AKR1B15: variants seen among roughly 807,000 people sequenced by gnomAD.
The protein encoded by AKR1B15 is aldo-keto reductase family 1 member B15.
AKR1B15 carries 49 observed loss-of-function variants against 38.5 expected under a neutral mutation model. The ratio of observed to expected loss-of-function variants is 1.27; its 90% CI spans 1.01 to 1.62. AKR1B15 has a LOEUF of 1.62. AKR1B15 is among the 40% of genes most tolerant of loss of function. The pLI is 0.00. For missense variants in AKR1B15, 411 were observed against 381.6 expected (o/e 1.08, Z -0.64); for synonymous variants, 137 against 135.5 (o/e 1.01, Z -0.08).
At chr7:134,574,663 A>T (rs1290334579) in intron 6 of AKR1B15, among the ~76,000 whole-genome samples, 1 of 152,242 alleles carries the variant, frequency 6.6e-6, no homozygotes, top group Admixed American at 6.5e-5. Flanking sequence ...TACTAAATAC[A>T]TGTTGCATTG....
chr7:134,573,277 C>T (rs1794701158), intron 6 of AKR1B15: 13 of 715,618 alleles, frequency 1.8e-5, no homozygotes, highest in East Asian at 1.3e-4. Context: ...GGGATCCACC[C>T]GTCTCAGCCT....
At chr7:134,571,310 G>A (rs965238766) in intron 5 of AKR1B15, among the ~76,000 whole-genome samples, 5 of 152,212 alleles carry the variant, frequency 3.3e-5, no homozygotes, top group Admixed American at 2.0e-4. Flanking sequence ...CCTTGGGTGT[G>A]TATAGGATGT....
chr7:134,569,378 C>G, intron 4 of AKR1B15, 35 bp from the exon 5 acceptor site: 1 of 1,611,596 alleles, frequency 6.2e-7, no homozygotes. Flanking sequence ...CTTCCTTTTC[C>G]CAGTATTACT....
At chr7:134,564,541 A>C in intron 2 of AKR1B15, 57 bp from the exon 3 acceptor site, 1 of 610,872 alleles carries the variant, frequency 1.6e-6, no homozygotes, top group Non-Finnish European at 2.9e-6. Context: ...CCATCTTGCT[A>C]TTACTCACCT....
chr7:134,579,469 G>A (rs755335420), intron 11 of AKR1B15, 38 bp from the exon 12 acceptor site: 1 of 1,531,872 alleles, frequency 6.5e-7, no homozygotes, highest in South Asian at 1.2e-5. Flanking sequence ...TTGCTTTGAT[G>A]GAACACAGTT....
intron 2 of AKR1B15, among the ~76,000 whole-genome samples, chr7:134,560,996 T>C (rs1035928012): frequency 3.2e-4 from 48 of 152,336 alleles, no homozygotes; most frequent in Middle Eastern, 3.4e-3. Flanking sequence ...ATACACATAG[T>C]TTACTGTGGC....
chr7:134,570,324 A>T (rs925370793), intron 5 of AKR1B15: 3 of 152,116 alleles, frequency 2.0e-5, no homozygotes, highest in Non-Finnish European at 4.4e-5. Context: ...TAGCAATTTT[A>T]ATTTTGCCCC....
chr7:134,565,101 TCAG>T, intron 3 of AKR1B15: 16 of 304,460 alleles, frequency 5.3e-5, no homozygotes, highest in Middle Eastern at 2.1e-3. Context: ...GCCACCCCAG[TCAG>T]CAGCAGCAGG....
At chr7:134,558,390 C>CAGT (rs1794275267) in intron 2 of AKR1B15, among the ~76,000 whole-genome samples, 1 of 152,142 alleles carries the variant, frequency 6.6e-6, no homozygotes, top group African/African-American at 2.4e-5. Flanking sequence ...GTGCAACCTC[C>CAGT]AGTAATGTAG....
Position 134,569,313 on chromosome 7 carries a change from C to T in AKR1B15, c.319-100C>T, listed in dbSNP as rs1226709667. 14 of 1,399,566 alleles carry T rather than the reference C, an allele frequency of 1.0e-5. No homozygotes were observed. The East Asian group carries it at 3.0e-4, about 30-fold the overall frequency. 86.7% of individuals were successfully genotyped at this position (1,399,566 alleles called of 1,614,324 possible). A position where few individuals can be genotyped will look rare whatever the true frequency, so the allele number is the denominator to read the frequency against. ...TCAGCTTTGTTATAGATGGCCTGAG[C>T]CAGGTTAGATGAGGATGCAAATCAA... is the stretch of plus-strand genomic sequence containing the variant. On this transcript the variant is annotated intron_variant, in intron 4 of 11. Transcript: ENST00000457545.
intron 2 of AKR1B15, among the ~76,000 whole-genome samples, chr7:134,558,389 C>G (rs562957836): frequency 6.6e-6 from 1 of 152,266 alleles, no homozygotes; most frequent in African/African-American, 2.4e-5. Context: ...CGTGCAACCT[C>G]CAGTAATGTA....
At chr7:134,550,727 G>A (rs775834462) in intron 1 of AKR1B15, among the ~76,000 whole-genome samples, 9 of 152,104 alleles carry the variant, frequency 5.9e-5, no homozygotes, top group South Asian at 2.1e-4. Context: ...TCTTCTTCCC[G>A]GCCCCATAAA....
chr7:134,579,438 A>C, intron 11 of AKR1B15, 69 bp from the exon 12 acceptor site: 1 of 1,347,558 alleles, frequency 7.4e-7, no homozygotes, highest in Middle Eastern at 1.8e-4. Flanking sequence ...CCAGAGAAGA[A>C]TACCTTCTCA....
chr7:134,575,513 G>T lies in AKR1B15; in HGVS notation c.607G>T (p.Gly203Ter), dbSNP rs370266956. 76 of 1,613,708 alleles carry T rather than the reference G, an allele frequency of 4.7e-5. No homozygotes were observed. The highest frequency in any genetic ancestry group is 6.3e-5 in the Non-Finnish European group (74 of 1,179,820). ...FQIERLLNKP[G>*]LKYKPVTNQV... is the part of the protein sequence containing the mutation. ...GATCGAGAGGCTCTTGAACAAACCT[G>T]GACTGAAATATAAACCAGTGACTAA... Residue 203 changes from glycine to a stop codon, truncating the protein, a stop_gained, in exon 7 of 12, where the codon GGA becomes TGA. Coordinates refer to ENST00000457545, the MANE Select transcript of AKR1B15 (RefSeq NM_001080538.3). LOFTEE classifies it high-confidence loss of function.
At chr7:134,578,188 C>A (rs1364438208) in intron 11 of AKR1B15, among the ~76,000 whole-genome samples, 1 of 152,136 alleles carries the variant, frequency 6.6e-6, no homozygotes, top group Non-Finnish European at 1.5e-5. Flanking sequence ...AGAAATAAAT[C>A]AACTCAAAAT....
At chr7:134,569,841 G>A (rs113112604) in intron 5 of AKR1B15, 10 of 291,482 alleles carry the variant, frequency 3.4e-5, no homozygotes, top group East Asian at 1.6e-4. Flanking sequence ...GATGAATGTC[G>A]CCTCAGGACC....
At chr7:134,565,648 T>C (rs1794516257) in intron 3 of AKR1B15, 1 of 1,536,120 alleles carries the variant, frequency 6.5e-7, no homozygotes, top group Non-Finnish European at 8.8e-7. Flanking sequence ...GGGTAGGGGT[T>C]TGGAGAGGTG....
intron 6 of AKR1B15, among the ~76,000 whole-genome samples, chr7:134,572,878 T>C (rs1220000420): frequency 6.6e-6 from 1 of 152,212 alleles, no homozygotes; most frequent in Non-Finnish European, 1.5e-5. Flanking sequence ...TTGGCAGCTG[T>C]CTGTGTAGGG....
chr7:134,564,748 C>G lies in AKR1B15; in HGVS notation c.129C>G (p.Pro43=). The change falls in exon 3 of 12, where the codon CCC becomes CCG. Residue 43 remains proline, a synonymous_variant. Transcript: ENST00000457545. ...SLLKDTTSAG[P]LLRPYPASLL... The stretch of plus-strand genomic sequence containing the variant: ...TGAAGGACACTACAAGTGCAGGGCC[C>G]CTTCTTCGCCCCTATCCAGCAGTAA... The G allele has an allele frequency of 1.5e-6, 1 of 686,328 alleles. No homozygotes were observed. The highest frequency in any genetic ancestry group is 2.6e-6 in the Non-Finnish European group (1 of 378,048). The allele number at this position is 686,328 out of a possible 1,614,324, so 42.5% of individuals were successfully genotyped here.
Sources: gnomAD v4.1 joint callset for allele counts (sites outside exome capture counted in the v4.1 genomes callset) on GRCh38, gnomAD v4.1.1 for gene constraint, MANE v1.5 for transcripts, NCBI Gene and HGNC (gene_info 2026-07-23, HGNC 2026-07-21) for gene names.